Variants in CDHR5 observed in about 807,000 individuals in gnomAD.
The protein encoded by CDHR5 is cadherin-related family member 5.
A neutral mutation model predicts 69.5 loss-of-function variants in CDHR5; 82 were observed. The observed-to-expected ratio is 1.18, with a 90% CI of 0.99 to 1.42. The LOEUF (loss-of-function observed/expected upper bound fraction) is 1.42. CDHR5 is among the 40% of genes most tolerant of loss of function. The probability of loss-of-function intolerance (pLI) is 0.00; values close to 1 mark genes in which losing one functional copy is unlikely to be tolerated. For missense variants in CDHR5, 1,293 were observed against 1,168.9 expected (o/e 1.11, Z -1.55); for synonymous variants, 601 against 510.2 (o/e 1.18, Z -2.40).
In CDHR5 at chr11:618,037, G is replaced by A; in HGVS notation, c.2035C>T (p.Leu679=). 2 of 1,612,328 alleles carry A rather than the reference G, an allele frequency of 1.2e-6. No homozygotes were observed. Among genetic ancestry groups the A allele is most frequent in the Non-Finnish European group, 1.7e-6 (2 of 1,179,666 alleles). Residue 679 remains leucine, a synonymous_variant, in exon 14 of 15, where the codon CTG becomes TTG. Transcript: ENST00000397542. ...AALGGVLGAL[L]LLALLGLAVL... is the part of the protein sequence containing the mutation. ...GCGAGGCCAAGGAGAGCCAGCAGCA[G>A]CAGCGCACCCAGCACCCCGCCCAGG...
Position 624,427 on chromosome 11 carries a change from C to T in CDHR5, c.261+130G>A, listed in dbSNP as rs1373544853. The stretch of plus-strand genomic sequence containing the variant: ...AAATGGCCCAGCCTTCTAGGGCAGG[C>T]ACCACCAAGCATGGGTGTCAGTGGA... On this transcript the variant is annotated intron_variant, in intron 2 of 14. Coordinates refer to ENST00000397542, the MANE Select transcript of CDHR5 (RefSeq NM_021924.5). The surrounding 1 kb of genome is among the most constrained non-coding windows in gnomAD (Gnocchi z 5.3). 7 of 965,960 alleles carry T rather than the reference C, an allele frequency of 7.2e-6. No homozygotes were observed. Among genetic ancestry groups the T allele is most frequent in the Non-Finnish European group, 1.2e-5 (7 of 603,278 alleles). The allele number at this position is 965,960 out of a possible 1,614,324, so 59.8% of individuals were successfully genotyped here. A position where few individuals can be genotyped will look rare whatever the true frequency, so the allele number is the denominator to read the frequency against.
At chr11:619,208 T>G (rs774854792) in intron 12 of CDHR5, 28 bp from the exon 13 acceptor site, 11 of 1,481,106 alleles carry the variant, frequency 7.4e-6, no homozygotes, top group Non-Finnish European at 2.8e-6. Context: ...TGCTTGGGCT[T>G]GCCTCTGCCC....
intron 3 of CDHR5, among the ~76,000 whole-genome samples, chr11:622,128 G>A (rs920078319): frequency 4.0e-5 from 6 of 151,598 alleles, no homozygotes; most frequent in Non-Finnish European, 7.4e-5. Context: ...ACCCCTCAAC[G>A]GCCACCCGTC....
In CDHR5 at chr11:624,527, C is replaced by G. The variant is rs115162963; in HGVS notation, c.261+30G>C. The G allele has an allele frequency of 6.2e-7, 1 of 1,603,822 alleles. No homozygotes were observed. Among genetic ancestry groups the G allele is most frequent in the South Asian group, 1.1e-5 (1 of 90,692 alleles). ...GATGCAGGTGCCCTTCTCCCGGGAC[C>G]CCCATATCCCGCCCGCCTGCCGCCC... On this transcript the variant is annotated intron_variant, in intron 2 of 14. Transcript: ENST00000397542. This position sits in a 1 kb window ranked among gnomAD's most constrained non-coding sequence, Gnocchi z 5.3.
Position 621,856 on chromosome 11 carries a change from C to T in CDHR5, c.361G>A (p.Ala121Thr), listed in dbSNP as rs372694005. ...TTGGTCTTAAAGGGGAATTCGGGGGCATTGTCATTGACGTCCAGCACTGAC... is the reference window on the plus strand; with the variant it reads ...TTGGTCTTAAAGGGGAATTCGGGGGTATTGTCATTGACGTCCAGCACTGAC... ...FVSVLDVNDN[A>T]PEFPFKTKEI... Residue 121 changes from alanine (A) to threonine (T), a missense_variant, in exon 4 of 15, where the codon GCC becomes ACC. Physicochemically the swap from Ala to Thr is moderately conservative, Grantham distance 58. Coordinates refer to ENST00000397542, the MANE Select transcript of CDHR5 (RefSeq NM_021924.5). The surrounding 1 kb of genome is among the most constrained non-coding windows in gnomAD (Gnocchi z 4.4). The T allele has an allele frequency of 9.9e-6, 16 of 1,613,756 alleles. No individual in the cohort carries two copies. The highest frequency in any genetic ancestry group is 1.3e-5 in the African/African-American group (1 of 75,052).
rs1231120343 is a variant in CDHR5 at position 624,475 on chromosome 11, A to T, written c.261+82T>A. On this transcript the variant is annotated intron_variant, in intron 2 of 14. Transcript: ENST00000397542. The surrounding 1 kb of genome is among the most constrained non-coding windows in gnomAD (Gnocchi z 5.3). The stretch of plus-strand genomic sequence containing the variant: ...GGATGCCCGCAGGCATAGAACTCCT[A>T]GGCCCCCAAGGGAGGTGTGGCCTGA... 7.1e-7 allele frequency: 1 copy of T among 1,399,418 alleles called. No homozygotes were observed. The highest frequency in any genetic ancestry group is 1.4e-5 in the African/African-American group (1 of 70,502). 86.7% of individuals were successfully genotyped at this position (1,399,418 alleles called of 1,614,324 possible). A position where few individuals can be genotyped will look rare whatever the true frequency, so the allele number is the denominator to read the frequency against.
In CDHR5 at chr11:616,645, C is replaced by G. The variant is rs1856910717; in HGVS notation, c.*706G>C. 6.5e-6 allele frequency: 1 copy of G among 152,974 alleles called. No individual in the cohort carries two copies. The highest frequency in any genetic ancestry group is 2.2e-3 in the Middle Eastern group (1 of 462). 9.5% of individuals were successfully genotyped at this position (152,974 alleles called of 1,614,324 possible). A position where few individuals can be genotyped will look rare whatever the true frequency, so the allele number is the denominator to read the frequency against. On this transcript the variant is annotated 3_prime_UTR_variant, in exon 15 of 15. Coordinates refer to ENST00000397542, the MANE Select transcript of CDHR5 (RefSeq NM_021924.5). ...AGTGCTGACAAGCCGCAAGGGATCCCTTGATGGTTCTGGGCATGGGCGCCC... is the reference window on the plus strand; with the variant it reads ...AGTGCTGACAAGCCGCAAGGGATCCGTTGATGGTTCTGGGCATGGGCGCCC...
chr11:621,876 A>G lies in CDHR5; in HGVS notation c.341T>C (p.Val114Ala). The G allele has an allele frequency of 5.0e-6, 8 of 1,613,600 alleles. No individual in the cohort carries two copies. The highest frequency in any genetic ancestry group is 6.8e-6 in the Non-Finnish European group (8 of 1,179,850). The change falls in exon 4 of 15, where the codon GTG (valine) becomes GCG (alanine). Residue 114 changes from valine (V) to alanine (A), a missense_variant. Transcript: ENST00000397542. This position sits in a 1 kb window ranked among gnomAD's most constrained non-coding sequence, Gnocchi z 4.4. ...LVTQLRVFVS[V>A]LDVNDNAPEF... ...GGGGGCATTGTCATTGACGTCCAGCACTGACACGAACACCCTTAGCTGGGT... is the reference window on the plus strand; with the variant it reads ...GGGGGCATTGTCATTGACGTCCAGCGCTGACACGAACACCCTTAGCTGGGT...
At position 617,446 on chromosome 11, in the gene CDHR5, C is replaced by T. The variant is rs757156059; in HGVS notation, c.2443G>A (p.Gly815Ser). The change falls in exon 15 of 15, where the codon GGC becomes AGC. Residue 815 changes from glycine (G) to serine (S), a missense_variant. Coordinates refer to ENST00000397542, the MANE Select transcript of CDHR5 (RefSeq NM_021924.5). ...VLNAPTLDVDGASDSGSGDEG... is the reference protein window; with the variant it reads ...VLNAPTLDVDSASDSGSGDEG... ...TCGCCGCTGCCGGAGTCACTGGCGC[C>T]ATCCACGTCCAGGGTGGGCGCGTTG... The T allele has an allele frequency of 6.2e-7, 1 of 1,612,414 alleles. No homozygotes were observed. Among genetic ancestry groups the T allele is most frequent in the African/African-American group, 1.3e-5 (1 of 74,928 alleles).
At position 618,612 on chromosome 11, in the gene CDHR5, G is replaced by A. The variant is rs1238312302; in HGVS notation, c.1947C>T (p.Ser649=). The part of the protein sequence containing the change: ...GTSQPMPLSK[S]TPSSGGGPSE... The stretch of plus-strand genomic sequence containing the variant: ...AGTGGGTGCTACCTGAAGATGGGGT[G>A]CTCTTGCTGAGGGGCATCGGCTGAG... The change falls in exon 13 of 15, where the codon AGC becomes AGT. Residue 649 remains serine (S), a synonymous_variant. Transcript: ENST00000397542. The A allele has an allele frequency of 2.5e-6, 4 of 1,614,040 alleles. No individual in the cohort carries two copies. Among genetic ancestry groups the A allele is most frequent in the South Asian group, 2.2e-5 (2 of 91,082 alleles).
Position 624,860 on chromosome 11 carries a change from C to G in CDHR5, c.43G>C (p.Gly15Arg), listed in dbSNP as rs1287250119. 1.3e-6 allele frequency: 2 copies of G among 1,586,570 alleles called. No homozygotes were observed. Among genetic ancestry groups the G allele is most frequent in the East Asian group, 2.3e-5 (1 of 44,064 alleles). Residue 15 changes from glycine to arginine, a missense_variant, in exon 1 of 15, where the codon GGG (glycine) becomes CGG (arginine). Physicochemically the swap from Gly to Arg is moderately radical, Grantham distance 125 (BLOSUM62 -2). Transcript: ENST00000397542. This position sits in a 1 kb window ranked among gnomAD's most constrained non-coding sequence, Gnocchi z 5.3. ...GTCCCCGGGGGTCGGACGAGCAGCC[C>G]GGTGAACAGCAGGGGAGGCCACAGC... ...ALLWPPLLFT[G>R]LLVRPPGTMA... is the part of the protein sequence containing the mutation.
At chr11:619,239 G>T in intron 12 of CDHR5, 59 bp from the exon 13 acceptor site, 1 of 1,473,838 alleles carries the variant, frequency 6.8e-7, no homozygotes, top group East Asian at 2.3e-5. Context: ...CACCTACCGC[G>T]GGAAAGGAGC....
rs760292630 is a variant in CDHR5, at chr11:624,183, TGGGGCGGGGAGAGC to T, written c.312+16_312+29del. The T allele has an allele frequency of 3.8e-5, 26 of 678,690 alleles. No individual in the cohort carries two copies. The highest frequency in any genetic ancestry group is 5.2e-5 in the Non-Finnish European group (19 of 364,260). The allele number at this position is 678,690 out of a possible 1,614,324, so 42.0% of individuals were successfully genotyped here. On this transcript the variant is annotated intron_variant, in intron 3 of 14. Coordinates refer to ENST00000397542, the MANE Select transcript of CDHR5 (RefSeq NM_021924.5). This position sits in a 1 kb window ranked among gnomAD's most constrained non-coding sequence, Gnocchi z 5.3. ...GCAGAGCCCAGCAGAGGTGGCCGGG[TGGGGCGGGGAGAGC>T]GGGGCGGGGACTCACCAATGTGCCT... is the stretch of plus-strand genomic sequence containing the variant.
Position 617,675 on chromosome 11 carries a change from G to A in CDHR5, c.2214C>T (p.Pro738=), listed in dbSNP as rs773602374. 28 of 1,491,326 alleles carry A rather than the reference G, an allele frequency of 1.9e-5. No individual in the cohort carries two copies. The highest frequency in any genetic ancestry group is 2.3e-5 in the Non-Finnish European group (26 of 1,126,610). The allele number at this position is 1,491,326 out of a possible 1,614,324, so 92.4% of individuals were successfully genotyped here. A position where few individuals can be genotyped will look rare whatever the true frequency, so the allele number is the denominator to read the frequency against. Residue 738 remains proline (P), a synonymous_variant, in exon 15 of 15, where the codon CCC becomes CCT. Coordinates refer to ENST00000397542, the MANE Select transcript of CDHR5 (RefSeq NM_021924.5). Reference sequence around the variant, plus strand: ...GCTCTGCGGGCATCGGTGCCTCCGCGGGCTTGGGGTCGTGCGTGGGGCTGG... The same window carrying A: ...GCTCTGCGGGCATCGGTGCCTCCGCAGGCTTGGGGTCGTGCGTGGGGCTGG... The part of the protein sequence containing the change: ...PVPSPTHDPK[P]AEAPMPAEPA...
Position 618,128 on chromosome 11 carries a change from A to G in CDHR5, c.1961-17T>C, listed in dbSNP as rs768007556. 6.3e-7 allele frequency: 1 copy of G among 1,598,382 alleles called. No homozygotes were observed. Among genetic ancestry groups the G allele is most frequent in the South Asian group, 1.1e-5 (1 of 89,406 alleles). On this transcript the variant is annotated splice_polypyrimidine_tract_variant and intron_variant, in intron 13 of 14. Coordinates refer to ENST00000397542, the MANE Select transcript of CDHR5 (RefSeq NM_021924.5). ...GGCCGCCACCTGGCATCGCAGTGGA[A>G]AACGTCATCATCCCCGCACTGTTGA...
chr11:617,930 C>T (rs754933229), intron 14 of CDHR5, 24 bp downstream of exon 14: 5 of 1,606,318 alleles, frequency 3.1e-6, no homozygotes, highest in Non-Finnish European at 4.2e-6. Context: ...GGTCGCCTGC[C>T]CTGTTCTCCA....
At position 624,875 on chromosome 11, in the gene CDHR5, G is replaced by A. The variant is rs1303601570; in HGVS notation, c.28C>T (p.Pro10Ser). The A allele has an allele frequency of 6.4e-7, 1 of 1,574,542 alleles. No individual in the cohort carries two copies. The stretch of plus-strand genomic sequence containing the variant: ...ACGAGCAGCCCGGTGAACAGCAGGG[G>A]AGGCCACAGCAGGGCCCAAGACCCC... MGSWALLWPPLLFTGLLVRP... is the reference protein window; with the variant it reads MGSWALLWPSLLFTGLLVRP... The change falls in exon 1 of 15, where the codon CCC becomes TCC. Residue 10 changes from proline (P) to serine (S), a missense_variant. Coordinates refer to ENST00000397542, the MANE Select transcript of CDHR5 (RefSeq NM_021924.5). This position sits in a 1 kb window ranked among gnomAD's most constrained non-coding sequence, Gnocchi z 5.3.
rs1329010356 is a variant in CDHR5 at position 624,204 on chromosome 11, G to C, written c.312+9C>G. On this transcript the variant is annotated intron_variant, in intron 3 of 14. Transcript: ENST00000397542. This position sits in a 1 kb window ranked among gnomAD's most constrained non-coding sequence, Gnocchi z 5.3. The stretch of plus-strand genomic sequence containing the variant: ...CGGGTGGGGCGGGGAGAGCGGGGCG[G>C]GGACTCACCAATGTGCCTCCGCTCT... The C allele has an allele frequency of 1.3e-6, 1 of 757,542 alleles. No individual in the cohort carries two copies. Among genetic ancestry groups the C allele is most frequent in the Non-Finnish European group, 2.5e-6 (1 of 407,652 alleles). The allele number at this position is 757,542 out of a possible 1,614,324, so 46.9% of individuals were successfully genotyped here.
intron 14 of CDHR5, 86 bp downstream of exon 14, chr11:617,868 A>G: frequency 2.0e-6 from 3 of 1,520,320 alleles, no homozygotes; most frequent in Non-Finnish European, 1.8e-6. Context: ...CCGTCTCCAC[A>G]TCTGTCCCTC....
Sources: allele counts gnomAD v4.1 joint callset (sites outside exome capture counted in the v4.1 genomes callset), GRCh38; gene constraint gnomAD v4.1.1; non-coding constraint Gnocchi (gnomAD v3.1); transcripts MANE v1.5; gene names NCBI Gene and HGNC (gene_info 2026-07-23, HGNC 2026-07-21).